MEIS2: variants seen among roughly 807,000 people sequenced by gnomAD.
MEIS2 encodes the protein Meis homeobox 2.
Under a neutral mutation model 58.6 loss-of-function variants are expected in MEIS2, and 9 were observed. The observed-to-expected ratio is 0.15, with a 90% CI of 0.09 to 0.27. The LOEUF (loss-of-function observed/expected upper bound fraction) is 0.27. Among genes scored for constraint, MEIS2 ranks in the 10% least tolerant of loss-of-function variants. MEIS2 has a pLI of 1.00. For missense variants in MEIS2, 427 were observed against 635.0 expected, an observed-to-expected ratio of 0.67 and a Z score of 3.52; for synonymous variants, 221 against 228.4, an observed-to-expected ratio of 0.97 and a Z score of 0.29.
At chr15:36,894,042 C>T (rs566739873) in intron 11 of MEIS2, among the ~76,000 whole-genome samples, 3 of 152,328 alleles carry the variant, frequency 2.0e-5, no homozygotes, top group African/African-American at 7.2e-5. Flanking sequence ...CCAACTGCAG[C>T]CATTCAGCCT....
rs991288254 is a variant in MEIS2 at position 37,100,374 on chromosome 15, C to T, written c.-908G>A. 1 of 152,710 alleles carries T rather than the reference C, an allele frequency of 6.5e-6. No homozygotes were observed. The highest frequency in any genetic ancestry group is 2.4e-5 in the African/African-American group (1 of 41,382). The allele number at this position is 152,710 out of a possible 1,614,324, so 9.5% of individuals were successfully genotyped here. On this transcript the variant is annotated 5_prime_UTR_variant, in exon 1 of 12. Coordinates refer to ENST00000561208, the MANE Select transcript of MEIS2 (RefSeq NM_170675.5). ...TAGGTGTTGGCAGGTTGGCTGCTGC[C>T]TGGCTTATTGAAGAGCCTCAGTTTG...
Position 37,047,921 on chromosome 15 carries a change from T to C in MEIS2, c.755-10962A>G, listed in dbSNP as rs915915723. On this transcript the variant is annotated intron_variant, in intron 7 of 11. Coordinates refer to ENST00000561208, the MANE Select transcript of MEIS2 (RefSeq NM_170675.5). Reference sequence around the variant, plus strand: ...GTAAATATAAATAGCTGTTATTCTGTTTAAATTTTTAATCATGCAAAATAT... The same window carrying C: ...GTAAATATAAATAGCTGTTATTCTGCTTAAATTTTTAATCATGCAAAATAT... Among the ~76,000 whole-genome samples the C allele has an allele frequency of 5.3e-5, 8 of 152,244 alleles. No individual in the cohort carries two copies. The East Asian group carries it at 7.7e-4, about 15-fold the overall frequency.
At chr15:37,097,608 CTT>C (rs2140098740) in intron 2 of MEIS2, among the ~76,000 whole-genome samples, 1 of 152,274 alleles carries the variant, frequency 6.6e-6, no homozygotes. Flanking sequence ...CGGCAGGAAA[CTT>C]TCTCCTTCGT....
At chr15:37,012,509 G>A (rs1272803568) in intron 8 of MEIS2, among the ~76,000 whole-genome samples, 1 of 152,140 alleles carries the variant, frequency 6.6e-6, no homozygotes, top group Non-Finnish European at 1.5e-5. Context: ...CCCACAAAAA[G>A]GTCCCATGAA....
intron 6 of MEIS2, among the ~76,000 whole-genome samples, chr15:37,087,192 C>T (rs777634223): frequency 1.3e-5 from 2 of 152,066 alleles, no homozygotes; most frequent in Non-Finnish European, 2.9e-5. Context: ...TGTTCTCCAG[C>T]CAAAAAAATC....
At chr15:37,069,197 A>G (rs1001558871) in intron 7 of MEIS2, among the ~76,000 whole-genome samples, 1 of 152,206 alleles carries the variant, frequency 6.6e-6, no homozygotes, top group Admixed American at 6.5e-5. Flanking sequence ...ATGCTAGGAT[A>G]TGTAGTGCAT....
intron 7 of MEIS2, among the ~76,000 whole-genome samples, chr15:37,064,397 A>G (rs1253994736): frequency 2.6e-5 from 4 of 152,216 alleles, no homozygotes; most frequent in African/African-American, 9.6e-5. Flanking sequence ...GTAGTAATAT[A>G]TATGACCCCA....
intron 7 of MEIS2, among the ~76,000 whole-genome samples, chr15:37,062,078 T>C (rs1319295526): frequency 3.9e-5 from 6 of 152,180 alleles, no homozygotes; most frequent in Non-Finnish European, 1.5e-5. Context: ...TCACGCTGCC[T>C]GAGGAGCAAC....
intron 9 of MEIS2, among the ~76,000 whole-genome samples, chr15:36,910,503 G>A (rs958829684): frequency 6.6e-6 from 1 of 152,106 alleles, no homozygotes; most frequent in Non-Finnish European, 1.5e-5. Flanking sequence ...GGGCACTCGG[G>A]TTCCAAGGAT....
chr15:36,957,188 C>T (rs2059012581), intron 8 of MEIS2, among the ~76,000 whole-genome samples: 1 of 152,034 alleles, frequency 6.6e-6, no homozygotes, highest in Non-Finnish European at 1.5e-5. Context: ...GGAATTTTAA[C>T]AATGTTTCTT....
intron 9 of MEIS2, among the ~76,000 whole-genome samples, chr15:36,923,693 G>C (rs2057618178): frequency 6.6e-6 from 1 of 152,194 alleles, no homozygotes; most frequent in African/African-American, 2.4e-5. Context: ...ACAAACAAAA[G>C]TCTTTCCTCA....
At chr15:37,095,856 T>C in intron 3 of MEIS2, 1 of 566,486 alleles carries the variant, frequency 1.8e-6, no homozygotes, top group Non-Finnish European at 3.1e-6. Context: ...TCAGGGTCGT[T>C]CTCAGGGCCT....
intron 7 of MEIS2, among the ~76,000 whole-genome samples, chr15:37,059,037 T>G (rs1888830047): frequency 6.6e-6 from 1 of 152,252 alleles, no homozygotes; most frequent in South Asian, 2.1e-4. Context: ...TGTATTTAAA[T>G]GACCAACAAT....
intron 7 of MEIS2, among the ~76,000 whole-genome samples, chr15:37,067,327 G>A (rs963744688): frequency 4.0e-5 from 6 of 151,810 alleles, no homozygotes; most frequent in Non-Finnish European, 5.9e-5. Flanking sequence ...TTTAACAGAT[G>A]GTTATAACGT....
chr15:36,944,043 T>C (rs1271213058), intron 9 of MEIS2, among the ~76,000 whole-genome samples: 1 of 152,026 alleles, frequency 6.6e-6, no homozygotes, highest in Non-Finnish European at 1.5e-5. Flanking sequence ...GCTGCCTAGG[T>C]ACAATAAATA....
At chr15:37,078,728 A>C (rs1891793849) in intron 7 of MEIS2, among the ~76,000 whole-genome samples, 1 of 151,972 alleles carries the variant, frequency 6.6e-6, no homozygotes. Context: ...CATCTGGGAA[A>C]GAAAGCTATG....
At chr15:36,951,953 G>A (rs1355558415) in intron 8 of MEIS2, among the ~76,000 whole-genome samples, 1 of 152,022 alleles carries the variant, frequency 6.6e-6, no homozygotes, top group East Asian at 1.9e-4. Context: ...GGATAAATTG[G>A]AATCCACAGT....
At chr15:37,067,715 C>T (rs1173279194) in intron 7 of MEIS2, among the ~76,000 whole-genome samples, 1 of 152,090 alleles carries the variant, frequency 6.6e-6, no homozygotes, top group African/African-American at 2.4e-5. Context: ...TCCTGAGACT[C>T]CTTCTGCTCC....
chr15:36,911,393 G>A (rs1255181422), intron 9 of MEIS2, among the ~76,000 whole-genome samples: 1 of 151,994 alleles, frequency 6.6e-6, no homozygotes, highest in East Asian at 1.9e-4. Flanking sequence ...AGCTGTGTGT[G>A]GCCATCTAAC....
Sources: gnomAD v4.1 joint callset for allele counts (sites outside exome capture counted in the v4.1 genomes callset) on GRCh38, gnomAD v4.1.1 for gene constraint, MANE v1.5 for transcripts, NCBI Gene and HGNC (gene_info 2026-07-23, HGNC 2026-07-21) for gene names.